Variants in PREX2 observed in about 807,000 individuals in gnomAD.
PREX2 encodes phosphatidylinositol-3,4,5-trisphosphate dependent Rac exchange factor 2.
Under a neutral mutation model 203.2 loss-of-function variants are expected in PREX2, and 107 were observed. The observed-to-expected ratio is 0.53, with a 90% CI of 0.45 to 0.62. The LOEUF (loss-of-function observed/expected upper bound fraction) is 0.62. Ranked by LOEUF, PREX2 falls within the 20% of genes least tolerant of loss-of-function variation. PREX2 has a pLI of 0.00. For missense variants in PREX2, 1,777 were observed against 1,955.9 expected (o/e 0.91, Z 1.72); for synonymous variants, 672 against 663.6 (o/e 1.01, Z -0.19).
chr8:68,184,276 T>A (rs892334794), intron 35 of PREX2, among the ~76,000 whole-genome samples: 2 of 152,190 alleles, frequency 1.3e-5, no homozygotes, highest in Non-Finnish European at 2.9e-5. Context: ...TATAGATTTA[T>A]ATTTTCCTAA....
intron 37 of PREX2, among the ~76,000 whole-genome samples, chr8:68,203,631 A>G (rs549970389): frequency 1.2e-4 from 19 of 152,330 alleles, no homozygotes; most frequent in South Asian, 2.1e-4. Context: ...TGAGAAAAGA[A>G]TAATCAGCTG....
At chr8:68,068,806 T>G (rs1041448385) in intron 11 of PREX2, among the ~76,000 whole-genome samples, 1 of 151,054 alleles carries the variant, frequency 6.6e-6, no homozygotes, top group African/African-American at 2.4e-5. Context: ...AAACGTCAGT[T>G]TATTTCTCAA....
chr8:68,213,316 A>T (rs1812775833), intron 37 of PREX2, among the ~76,000 whole-genome samples: 3 of 152,194 alleles, frequency 2.0e-5, no homozygotes, highest in Admixed American at 2.0e-4. Flanking sequence ...TTGCTTTTGC[A>T]CATTTGTAAA....
intron 37 of PREX2, among the ~76,000 whole-genome samples, chr8:68,200,612 T>C (rs1241274335): frequency 6.6e-6 from 1 of 152,126 alleles, no homozygotes; most frequent in Non-Finnish European, 1.5e-5. Context: ...TTGTCTCTTT[T>C]TTTTTTGCTT....
At chr8:68,186,298 G>T (rs1245797284) in intron 35 of PREX2, among the ~76,000 whole-genome samples, 1 of 152,114 alleles carries the variant, frequency 6.6e-6, no homozygotes, top group Non-Finnish European at 1.5e-5. Flanking sequence ...TCCATGCATA[G>T]ATATGCTTTA....
intron 35 of PREX2, among the ~76,000 whole-genome samples, chr8:68,169,748 C>T (rs552179826): frequency 2.0e-4 from 30 of 152,178 alleles, no homozygotes; most frequent in Non-Finnish European, 2.9e-4. Context: ...GAACAGTAGA[C>T]GGTGAGAACA....
At chr8:68,209,070 T>TTAA (rs1190237580) in intron 37 of PREX2, among the ~76,000 whole-genome samples, 1 of 115,096 alleles carries the variant, frequency 8.7e-6, no homozygotes, top group African/African-American at 3.3e-5. Flanking sequence ...TGGACTCATT[T>TTAA]AAAAAAAAAA....
intron 1 of PREX2, among the ~76,000 whole-genome samples, chr8:67,999,386 A>G (rs879807541): frequency 6.8e-6 from 1 of 148,036 alleles, no homozygotes; most frequent in Non-Finnish European, 1.5e-5. Context: ...GGACACACCT[A>G]TTCTCCCAAG....
At chr8:67,959,198 G>A (rs559043062) in intron 1 of PREX2, among the ~76,000 whole-genome samples, 15 of 152,314 alleles carry the variant, frequency 9.8e-5, no homozygotes, top group African/African-American at 3.4e-4. Flanking sequence ...GAAAGCCAAG[G>A]AAGGATCTAG....
intron 6 of PREX2, 141 bp downstream of exon 6, chr8:68,030,799 C>T: frequency 2.6e-6 from 2 of 781,786 alleles, no homozygotes. Flanking sequence ...CTGAAAAGTG[C>T]TCACTTTCAT....
intron 8 of PREX2, among the ~76,000 whole-genome samples, chr8:68,050,825 G>C (rs919584185): frequency 6.6e-6 from 1 of 152,104 alleles, no homozygotes; most frequent in Non-Finnish European, 1.5e-5. Context: ...GAGGAGAGTG[G>C]GGTAGCTTGA....
At chr8:68,097,612 G>A (rs1467965436) in intron 22 of PREX2, among the ~76,000 whole-genome samples, 8 of 152,164 alleles carry the variant, frequency 5.3e-5, no homozygotes, top group Non-Finnish European at 1.2e-4. Context: ...GGCGTGAGCC[G>A]CTGTGCCCAG....
intron 19 of PREX2, 95 bp from the exon 20 acceptor site, chr8:68,090,484 C>A: frequency 9.2e-7 from 1 of 1,092,132 alleles, no homozygotes; most frequent in Non-Finnish European, 1.3e-6. Flanking sequence ...AGACTTTGAT[C>A]ATATTTTAAA....
chr8:67,975,694 C>CTTTTTTTTTTTTTTTTTTTTTTTTTTTT lies in PREX2; in HGVS notation c.141+23186_141+23187insTTTTTTTTTTTTTTTTTTTTTTTTTTTT, dbSNP rs67614434. ...TCAGGATAGTAACTGATTTCTCTTT[C>CTTTTTTTTTTTTTTTTTTTTTTTTTTTT]TTTTTTTTTTTTTTTTTTTTTTTTT... On this transcript the variant is annotated intron_variant, in intron 1 of 39. Coordinates refer to ENST00000288368, the MANE Select transcript of PREX2 (RefSeq NM_024870.4). Among the ~76,000 whole-genome samples the CTTTTTTTTTTTTTTTTTTTTTTTTTTTT allele has an allele frequency of 6.7e-5, 5 of 74,990 alleles. 2 individuals are homozygous for CTTTTTTTTTTTTTTTTTTTTTTTTTTTT. The highest frequency in any genetic ancestry group is 4.6e-5 in the Non-Finnish European group (2 of 43,230). The allele number at this position is 74,990 out of a possible 152,430, so 49.2% of individuals were successfully genotyped here.
Position 68,101,367 on chromosome 8 carries a change from G to C in PREX2, c.2715+1524G>C, listed in dbSNP as rs199543028. On this transcript the variant is annotated intron_variant, in intron 23 of 39. Transcript: ENST00000288368. The stretch of plus-strand genomic sequence containing the variant: ...TGTAATGTTTGGGTTGTTGAGTTGA[G>C]TTTGCATTACTATTGTATCTTTTAA... The C allele has an allele frequency of 7.8e-4, 405 of 518,784 alleles. 1 individual carries two copies. The highest frequency in any genetic ancestry group is 1.5e-3 in the Non-Finnish European group (385 of 259,798). 32.1% of individuals were successfully genotyped at this position (518,784 alleles called of 1,614,324 possible).
At chr8:68,202,358 T>C (rs1350690523) in intron 37 of PREX2, among the ~76,000 whole-genome samples, 1 of 152,094 alleles carries the variant, frequency 6.6e-6, no homozygotes, top group Non-Finnish European at 1.5e-5. Flanking sequence ...CTGGACAGGA[T>C]TGGAGAGTGG....
intron 35 of PREX2, among the ~76,000 whole-genome samples, chr8:68,162,228 G>A (rs945218418): frequency 6.6e-6 from 1 of 152,040 alleles, no homozygotes; most frequent in Non-Finnish European, 1.5e-5. Context: ...TAAAAAGTAA[G>A]TAATTTTGAA....
At chr8:68,041,051 TAA>T (rs1331200116) in intron 7 of PREX2, among the ~76,000 whole-genome samples, 2 of 152,206 alleles carry the variant, frequency 1.3e-5, no homozygotes, top group Non-Finnish European at 2.9e-5. Context: ...GAGTGACATT[TAA>T]TTGAGAAGTT....
Position 68,099,821 on chromosome 8 carries a change from A to G in PREX2, c.2693A>G (p.Gln898Arg). 2.5e-6 allele frequency: 4 copies of G among 1,611,700 alleles called. No individual in the cohort carries two copies. The highest frequency in any genetic ancestry group is 1.7e-5 in the Admixed American group (1 of 60,006). ...LCSERIEHLC[Q>R]RISSYKKFSR... ...AGTGAAAGAATTGAACACCTATGTCAGAGAATATCCAGTTATAAAAAGGTA... is the reference window on the plus strand; with the variant it reads ...AGTGAAAGAATTGAACACCTATGTCGGAGAATATCCAGTTATAAAAAGGTA... Residue 898 changes from glutamine (Q) to arginine (R), a missense_variant, in exon 23 of 40, where the codon CAG (glutamine) becomes CGG (arginine). Gln to Arg is a conservative substitution (Grantham distance 43). Coordinates refer to ENST00000288368, the MANE Select transcript of PREX2 (RefSeq NM_024870.4).
Sources: allele counts gnomAD v4.1 joint callset (sites outside exome capture counted in the v4.1 genomes callset), GRCh38; gene constraint gnomAD v4.1.1; transcripts MANE v1.5; gene names NCBI Gene and HGNC (gene_info 2026-07-23, HGNC 2026-07-21).